The following ELP2 variants were observed in gnomAD, a reference collection of about 807,000 sequenced individuals.
ELP2 encodes elongator acetyltransferase complex subunit 2, also known as elongator complex protein 2.
In ELP2, 90 loss-of-function variants were observed where a neutral mutation model predicts 119.2. The ratio of observed to expected loss-of-function variants is 0.75; its 90% CI spans 0.64 to 0.90. The LOEUF (loss-of-function observed/expected upper bound fraction) is 0.90, where lower values mean the gene tolerates loss of function less well. Ranked by LOEUF, ELP2 falls within the 40% of genes least tolerant of loss-of-function variation. The pLI is 0.00. For missense variants in ELP2, 921 were observed against 967.8 expected (o/e 0.95, Z 0.64); for synonymous variants, 339 against 331.0 (o/e 1.02, Z -0.26).
At chr18:36,139,363 T>G (rs2089941481) in intron 5 of ELP2, 5 of 1,463,686 alleles carry the variant, frequency 3.4e-6, no homozygotes, top group Non-Finnish European at 3.7e-6. Flanking sequence ...TATCTTTGAG[T>G]ATCTTCTACA....
intron 18 of ELP2, chr18:36,165,238 C>A (rs1349001878): frequency 1.3e-5 from 2 of 152,320 alleles, no homozygotes; most frequent in Non-Finnish European, 2.9e-5. Flanking sequence ...AGGTGTTAGC[C>A]CACCTACCCA....
chr18:36,170,910 T>C, intron 20 of ELP2, 137 bp from the exon 21 acceptor site: 2 of 712,318 alleles, frequency 2.8e-6, no homozygotes, highest in Non-Finnish European at 5.2e-6. Flanking sequence ...CAGTGCAGCA[T>C]GTCCTGGGCT....
At position 36,142,834 on chromosome 18, in the gene ELP2, C is replaced by G; in HGVS notation, c.664C>G (p.Leu222Val). The change falls in exon 8 of 22, where the codon CTT (leucine) becomes GTT (valine). Residue 222 changes from leucine to valine, a missense_variant. By Grantham distance (32) the Leu-to-Val change is conservative. Transcript: ENST00000358232. ...ACTTATTTTTTAATTAGGTAGAGAT[C>G]TTTTCCTAGCAAGCTGTTCACAAGA... The part of the protein sequence containing the change: ...GVEWAAFGRD[L>V]FLASCSQDCL... 6.2e-7 allele frequency: 1 copy of G among 1,601,082 alleles called. No individual in the cohort carries two copies. Among genetic ancestry groups the G allele is most frequent in the Non-Finnish European group, 8.5e-7 (1 of 1,170,428 alleles).
intron 10 of ELP2, 38 bp from the exon 11 acceptor site, chr18:36,146,212 T>C (rs769776786): frequency 1.2e-6 from 2 of 1,613,406 alleles, no homozygotes; most frequent in Admixed American, 1.7e-5. Flanking sequence ...AAACATAGAC[T>C]ATTGATTAAG....
In ELP2 at chr18:36,142,884, G is replaced by A; in HGVS notation, c.714G>A (p.Leu238=). Residue 238 remains leucine (L), a synonymous_variant, in exon 8 of 22, where the codon CTG becomes CTA. Transcript: ENST00000358232. ...ATTGCCTGATAAGAATATGGAAGCT[G>A]TATATAAAGTCAACATCTTTAGAAA... ...SQDCLIRIWK[L]YIKSTSLETQ... is the part of the protein sequence containing the mutation. The A allele has an allele frequency of 1.2e-6, 2 of 1,604,534 alleles. No individual in the cohort carries two copies. Among genetic ancestry groups the A allele is most frequent in the South Asian group, 1.1e-5 (1 of 90,420 alleles).
chr18:36,173,784 T>C (rs1011758059), intron 21 of ELP2, among the ~76,000 whole-genome samples: 2 of 151,944 alleles, frequency 1.3e-5, no homozygotes, highest in African/African-American at 2.4e-5. Flanking sequence ...TTTTTCACTT[T>C]ATTCCTTTTT....
At chr18:36,136,878 A>G (rs2089844347) in intron 3 of ELP2, among the ~76,000 whole-genome samples, 1 of 152,180 alleles carries the variant, frequency 6.6e-6, no homozygotes, top group Admixed American at 6.5e-5. Flanking sequence ...ATAGATTTAC[A>G]AGACTCTTCT....
chr18:36,164,765 A>G (rs2090844665), intron 18 of ELP2, 98 bp downstream of exon 18: 5 of 1,183,520 alleles, frequency 4.2e-6, no homozygotes, highest in Non-Finnish European at 4.9e-6. Flanking sequence ...AACAGAGTGA[A>G]GGGTAGAGCC....
chr18:36,131,192 C>T (rs2144545344), intron 1 of ELP2, among the ~76,000 whole-genome samples: 1 of 152,320 alleles, frequency 6.6e-6, no homozygotes, highest in South Asian at 2.1e-4. Flanking sequence ...ATTATTCTCA[C>T]ACCCTTTGGA....
At chr18:36,170,904 G>A (rs1025611486) in intron 20 of ELP2, 143 bp from the exon 21 acceptor site, 2 of 705,952 alleles carry the variant, frequency 2.8e-6, no homozygotes, top group Non-Finnish European at 5.2e-6. Context: ...GGAGAGCAGT[G>A]CAGCATGTCC....
chr18:36,171,741 G>C (rs964149710), intron 21 of ELP2, among the ~76,000 whole-genome samples: 9 of 152,124 alleles, frequency 5.9e-5, no homozygotes, highest in African/African-American at 2.2e-4. Context: ...GTGTGAGACA[G>C]GGTCTCACTC....
Position 36,175,742 on chromosome 18 carries a change from A to G in ELP2, c.*1101A>G, listed in dbSNP as rs903713430. 5.9e-5 allele frequency: 9 copies of G among 152,448 alleles called. No homozygotes were observed. Among genetic ancestry groups the G allele is most frequent in the African/African-American group, 2.2e-4 (9 of 41,560 alleles). 9.4% of individuals were successfully genotyped at this position (152,448 alleles called of 1,614,324 possible). A position where few individuals can be genotyped will look rare whatever the true frequency, so the allele number is the denominator to read the frequency against. The stretch of plus-strand genomic sequence containing the variant: ...GCTGGGTGGAGAGAGGTTAACAGGG[A>G]AGACATGGGAAGTATTGTGAAGGCT... On this transcript the variant is annotated 3_prime_UTR_variant, in exon 22 of 22. Coordinates refer to ENST00000358232, the MANE Select transcript of ELP2 (RefSeq NM_018255.4).
chr18:36,165,919 G>A (rs932336524), intron 18 of ELP2, among the ~76,000 whole-genome samples: 2 of 152,054 alleles, frequency 1.3e-5, no homozygotes, highest in Non-Finnish European at 2.9e-5. Context: ...GACGGGTGCG[G>A]TGGCTCACAC....
chr18:36,133,910 T>TTG (rs2089731891), intron 2 of ELP2, among the ~76,000 whole-genome samples: 1 of 127,836 alleles, frequency 7.8e-6, no homozygotes, highest in African/African-American at 3.1e-5. Flanking sequence ...TTTTTTTTTT[T>TTG]TTTTTTTTTT....
intron 11 of ELP2, among the ~76,000 whole-genome samples, chr18:36,151,895 C>G (rs1430465888): frequency 1.3e-5 from 2 of 151,624 alleles, no homozygotes; most frequent in Non-Finnish European, 2.9e-5. Context: ...TTACATGCAC[C>G]CACCACCATG....
intron 12 of ELP2, 22 bp from the exon 13 acceptor site, chr18:36,156,444 T>C: frequency 6.2e-7 from 1 of 1,612,748 alleles, no homozygotes; most frequent in Non-Finnish European, 8.5e-7. Flanking sequence ...ATGATCATTT[T>C]TGTTTATCCC....
intron 8 of ELP2, among the ~76,000 whole-genome samples, chr18:36,144,015 T>C (rs17648952): frequency 0.021 from 3,223 of 152,254 alleles, 47 homozygotes; most frequent in Non-Finnish European, 0.029. Flanking sequence ...GTAGATCCTG[T>C]TGGGATGTTG....
In ELP2 at chr18:36,177,417, A is replaced by C. The variant is rs2091250331; in HGVS notation, c.*2776A>C. ...GTAAGCCAGTCACTGGAAGACAAAT[A>C]CTCTATGCTTCCATTTATGTGAAGT... On this transcript the variant is annotated 3_prime_UTR_variant, in exon 22 of 22. Transcript: ENST00000358232. 6.6e-6 allele frequency: 1 copy of C among 152,164 alleles called. No homozygotes were observed. The highest frequency in any genetic ancestry group is 2.4e-5 in the African/African-American group (1 of 41,436). 9.4% of individuals were successfully genotyped at this position (152,164 alleles called of 1,614,324 possible).
intron 14 of ELP2, among the ~76,000 whole-genome samples, chr18:36,159,420 A>G (rs1238485739): frequency 6.6e-6 from 1 of 152,070 alleles, no homozygotes; most frequent in Admixed American, 6.6e-5. Flanking sequence ...GCCACAAAGT[A>G]TGTGTTTTGG....
Sources: gnomAD v4.1 joint callset for allele counts (sites outside exome capture counted in the v4.1 genomes callset) on GRCh38, gnomAD v4.1.1 for gene constraint, MANE v1.5 for transcripts, NCBI Gene and HGNC (gene_info 2026-07-23, HGNC 2026-07-21) for gene names.